The following TMEM131L variants were observed in gnomAD, a reference collection of about 807,000 sequenced individuals.
TMEM131L encodes the protein transmembrane 131 like.
In TMEM131L, 54 loss-of-function variants were observed where a neutral mutation model predicts 192.2. That is an observed-to-expected ratio of 0.28 (90% CI 0.23 to 0.35). The LOEUF (loss-of-function observed/expected upper bound fraction) is 0.35. TMEM131L is among the 10% of genes least tolerant of loss of function. The pLI, the probability that TMEM131L is intolerant of heterozygous loss-of-function variation, is 1.00. For missense variants in TMEM131L, 1,888 were observed against 1,972.9 expected (o/e 0.96, Z 0.82); for synonymous variants, 701 against 704.9 (o/e 0.99, Z 0.09).
At chr4:153,613,676 T>C (rs1368011000) in intron 26 of TMEM131L, among the ~76,000 whole-genome samples, 4 of 152,202 alleles carry the variant, frequency 2.6e-5, no homozygotes, top group African/African-American at 9.6e-5. Context: ...TATATATTCC[T>C]AGTGTTATAA....
rs573911676 is a variant in TMEM131L, at chr4:153,608,863, A to G, written c.3419-3389A>G. 1.8e-4 allele frequency among the ~76,000 whole-genome samples: 28 copies of G among 152,316 alleles called. No homozygotes were observed. In the South Asian group the frequency reaches 5.6e-3, roughly 30 times the overall value. ...TTTTTAACCACTTTTAAAAGGAATTACTGACCTATAAAGCTGTACATACTT... is the reference window on the plus strand; with the variant it reads ...TTTTTAACCACTTTTAAAAGGAATTGCTGACCTATAAAGCTGTACATACTT... On this transcript the variant is annotated intron_variant, in intron 25 of 34. Transcript: ENST00000409959.
At chr4:153,616,944 G>T (rs1293770986) in intron 26 of TMEM131L, among the ~76,000 whole-genome samples, 1 of 152,066 alleles carries the variant, frequency 6.6e-6, no homozygotes, top group African/African-American at 2.4e-5. Flanking sequence ...GAACAATTTT[G>T]TTCCTCTTAC....
chr4:153,634,104 G>A (rs1734405555), intron 32 of TMEM131L, 88 bp from the exon 33 acceptor site: 2 of 1,086,492 alleles, frequency 1.8e-6, no homozygotes, highest in Non-Finnish European at 2.8e-6. Flanking sequence ...CAGTGATTAG[G>A]ATGCTAGGCA....
chr4:153,567,547 CTTT>C (rs33994147), intron 7 of TMEM131L, among the ~76,000 whole-genome samples: 1 of 139,080 alleles, frequency 7.2e-6, no homozygotes, highest in Non-Finnish European at 1.6e-5. Context: ...TTCCCCCAGG[CTTT>C]TTTTTTTTTT....
intron 7 of TMEM131L, among the ~76,000 whole-genome samples, chr4:153,579,940 A>G (rs1730217581): frequency 6.6e-6 from 1 of 152,218 alleles, no homozygotes; most frequent in African/African-American, 2.4e-5. Context: ...GGTACTCCCT[A>G]TTAAGCCAGC....
chr4:153,498,318 T>TA (rs1239754467), intron 3 of TMEM131L, among the ~76,000 whole-genome samples: 1 of 152,172 alleles, frequency 6.6e-6, no homozygotes, highest in East Asian at 1.9e-4. Flanking sequence ...AAAGCCCACT[T>TA]ACGGACAGAG....
intron 26 of TMEM131L, 24 bp from the exon 27 acceptor site, chr4:153,620,732 A>G (rs778391954): frequency 7.0e-7 from 1 of 1,429,164 alleles, no homozygotes; most frequent in Non-Finnish European, 9.6e-7. Context: ...TTAAACCATT[A>G]AACATTTACT....
At chr4:153,490,214 A>G (rs1732665265) in intron 3 of TMEM131L, among the ~76,000 whole-genome samples, 1 of 152,224 alleles carries the variant, frequency 6.6e-6, no homozygotes, top group East Asian at 1.9e-4. Context: ...GATAAATGTC[A>G]CATCCAAATT....
chr4:153,468,384 T>A (rs1730917877), intron 2 of TMEM131L, among the ~76,000 whole-genome samples: 1 of 151,914 alleles, frequency 6.6e-6, no homozygotes, highest in South Asian at 2.1e-4. Flanking sequence ...AAGGGCCCCA[T>A]CAGGATGAGG....
intron 3 of TMEM131L, among the ~76,000 whole-genome samples, chr4:153,477,921 A>T (rs1352954548): frequency 6.6e-6 from 1 of 152,212 alleles, no homozygotes; most frequent in Non-Finnish European, 1.5e-5. Flanking sequence ...TTTTAGAAGA[A>T]CATTTTGTCT....
chr4:153,588,697 G>T lies in TMEM131L; in HGVS notation c.1553-193G>T, dbSNP rs1217774358. ...TCGATTTAGTTTTGTTTTATGACATGTTTGTTTAATTTGATATCATTTGCC... is the reference window on the plus strand; with the variant it reads ...TCGATTTAGTTTTGTTTTATGACATTTTTGTTTAATTTGATATCATTTGCC... On this transcript the variant is annotated intron_variant, in intron 15 of 34. Transcript: ENST00000409959. 2.0e-5 allele frequency among the ~76,000 whole-genome samples: 3 copies of T among 152,066 alleles called. No homozygotes were observed. In the East Asian group the frequency reaches 5.8e-4, roughly 29 times the overall value.
intron 3 of TMEM131L, among the ~76,000 whole-genome samples, chr4:153,512,605 T>C (rs913802198): frequency 3.9e-5 from 6 of 152,190 alleles, no homozygotes; most frequent in Non-Finnish European, 7.3e-5. Flanking sequence ...GACATCTAGA[T>C]GTCTTCTGCT....
rs778668064 is a variant in TMEM131L, at chr4:153,550,171, CATTTT to C, written c.308+35_308+39del. The stretch of plus-strand genomic sequence containing the variant: ...GTATCTTTTCTTTATAATTAAAACT[CATTTT>C]ATTTATACTATTTATTTTCAGAATT... On this transcript the variant is annotated intron_variant, in intron 4 of 34. Coordinates refer to ENST00000409959, the MANE Select transcript of TMEM131L (RefSeq NM_001131007.2). 1.6e-5 allele frequency: 15 copies of C among 920,978 alleles called. No homozygotes were observed. The African/African-American group carries it at 2.6e-4, about 16-fold the overall frequency. The allele number at this position is 920,978 out of a possible 1,614,324, so 57.1% of individuals were successfully genotyped here. A position where few individuals can be genotyped will look rare whatever the true frequency, so the allele number is the denominator to read the frequency against.
At chr4:153,612,899 T>C (rs1253275163) in intron 26 of TMEM131L, among the ~76,000 whole-genome samples, 3 of 152,066 alleles carry the variant, frequency 2.0e-5, no homozygotes, top group Admixed American at 6.6e-5. Context: ...ACAGGAAAAA[T>C]TGATACATCA....
At chr4:153,540,588 G>A (rs935604143) in intron 3 of TMEM131L, among the ~76,000 whole-genome samples, 5 of 152,202 alleles carry the variant, frequency 3.3e-5, no homozygotes, top group Non-Finnish European at 5.9e-5. Context: ...TGCCTTTGGG[G>A]ATTTCTGAAT....
intron 6 of TMEM131L, 99 bp from the exon 7 acceptor site, chr4:153,558,159 C>T (rs900927965): frequency 6.8e-6 from 4 of 589,424 alleles, no homozygotes; most frequent in South Asian, 2.6e-5. Context: ...GAAGGCCATG[C>T]TGATGAATAC....
Position 153,555,900 on chromosome 4 carries a change from T to C in TMEM131L, c.422T>C (p.Val141Ala), listed in dbSNP as rs1728401463. 1 of 1,551,416 alleles carries C rather than the reference T, an allele frequency of 6.4e-7. No individual in the cohort carries two copies. The highest frequency in any genetic ancestry group is 8.7e-7 in the Non-Finnish European group (1 of 1,146,800). ...AAAGHFHVPP[V>A]PCRVIPAMGK... The stretch of plus-strand genomic sequence containing the variant: ...GCTGGACATTTCCATGTACCGCCAG[T>C]TCCCTGCAGGGTGGGTGTTGATGGA... Residue 141 changes from valine (V) to alanine (A), a missense_variant, in exon 5 of 35, where the codon GTT becomes GCT. Coordinates refer to ENST00000409959, the MANE Select transcript of TMEM131L (RefSeq NM_001131007.2). The surrounding 1 kb of genome is among the most constrained non-coding windows in gnomAD (Gnocchi z 4.1).
chr4:153,517,787 A>G (rs1338275337), intron 3 of TMEM131L, among the ~76,000 whole-genome samples: 3 of 152,328 alleles, frequency 2.0e-5, no homozygotes, highest in East Asian at 3.9e-4. Flanking sequence ...CCTTATTAAC[A>G]AGATGAAATA....
intron 25 of TMEM131L, among the ~76,000 whole-genome samples, chr4:153,608,790 A>T (rs1732415455): frequency 6.6e-6 from 1 of 152,238 alleles, no homozygotes; most frequent in South Asian, 2.1e-4. Flanking sequence ...AACTTTAAGC[A>T]GGTTACTGAG....
Sources: allele counts gnomAD v4.1 joint callset (sites outside exome capture counted in the v4.1 genomes callset), GRCh38; gene constraint gnomAD v4.1.1; non-coding constraint Gnocchi (gnomAD v3.1); transcripts MANE v1.5; gene names NCBI Gene and HGNC (gene_info 2026-07-23, HGNC 2026-07-21).